The following SOD2 variants were observed in gnomAD, a reference collection of about 807,000 sequenced individuals.
SOD2 encodes the protein superoxide dismutase [Mn], mitochondrial.
SOD2 carries 11 observed loss-of-function variants against 27.0 expected under a neutral mutation model. The ratio of observed to expected loss-of-function variants is 0.41; its 90% CI spans 0.26 to 0.67. SOD2 has a LOEUF of 0.67. Ranked by LOEUF, SOD2 falls within the 30% of genes least tolerant of loss-of-function variation. The pLI is 0.34. For missense variants in SOD2, 250 were observed against 274.5 expected, an observed-to-expected ratio of 0.91 and a Z score of 0.63; for synonymous variants, 105 against 103.0, an observed-to-expected ratio of 1.02 and a Z score of -0.12.
intron 1 of SOD2, among the ~76,000 whole-genome samples, chr6:159,711,705 A>ATTG: frequency 9.3e-6 from 1 of 107,764 alleles, no homozygotes. Flanking sequence ...CACCACTCAC[A>ATTG]CTGCTCTGAT....
chr6:159,742,184 C>T, intron 1 of SOD2: 7 of 1,489,554 alleles, frequency 4.7e-6, no homozygotes, highest in Non-Finnish European at 6.4e-6. Flanking sequence ...ACTGAATAAT[C>T]TCCTTTTGAT....
chr6:159,684,248 T>C (rs1428640796), intron 4 of SOD2, among the ~76,000 whole-genome samples: 1 of 152,158 alleles, frequency 6.6e-6, no homozygotes, highest in Admixed American at 6.5e-5. Context: ...GTTCTATAGC[T>C]AATTTTTTTT....
At chr6:159,717,970 TTTTC>T (rs1282482803) in intron 1 of SOD2, among the ~76,000 whole-genome samples, 5 of 151,888 alleles carry the variant, frequency 3.3e-5, no homozygotes, top group Non-Finnish European at 7.4e-5. Context: ...CACAATTTTT[TTTTC>T]TTTTTCTTTC....
intron 1 of SOD2, chr6:159,726,987 C>T (rs1411104418): frequency 1.6e-6 from 2 of 1,278,780 alleles, no homozygotes; most frequent in Admixed American, 4.7e-5. Context: ...TCACGCGCCG[C>T]CTTCGCCCAG....
Position 159,674,373 on chromosome 6 carries a change from C to G in SOD2, c.*8120G>C, listed in dbSNP as rs1175915984. 1 of 152,224 alleles carries G rather than the reference C, an allele frequency of 6.6e-6. No individual in the cohort carries two copies. The highest frequency in any genetic ancestry group is 1.5e-5 in the Non-Finnish European group (1 of 68,050). 9.4% of individuals were successfully genotyped at this position (152,224 alleles called of 1,614,324 possible). A position where few individuals can be genotyped will look rare whatever the true frequency, so the allele number is the denominator to read the frequency against. ...TAAAATACTGGCAAACTGAATCCAG[C>G]AGCATATCAAAAAGCTTATCCACCA... On this transcript the variant is annotated 3_prime_UTR_variant, in exon 5 of 5. Coordinates refer to ENST00000538183, the MANE Select transcript of SOD2 (RefSeq NM_000636.4).
intron 1 of SOD2, among the ~76,000 whole-genome samples, chr6:159,744,818 T>C (rs771693966): frequency 6.6e-6 from 1 of 152,086 alleles, no homozygotes; most frequent in African/African-American, 2.4e-5. Flanking sequence ...AGTAACTGAT[T>C]TCAGGTGTGC....
At chr6:159,758,578 G>A (rs1780061748) in intron 1 of SOD2, among the ~76,000 whole-genome samples, 1 of 152,144 alleles carries the variant, frequency 6.6e-6, no homozygotes, top group Non-Finnish European at 1.5e-5. Context: ...CTACGTCACT[G>A]TCTTGGGAGT....
At chr6:159,709,279 C>T (rs1425761287) in intron 1 of SOD2, among the ~76,000 whole-genome samples, 1 of 151,896 alleles carries the variant, frequency 6.6e-6, no homozygotes, top group East Asian at 1.9e-4. Flanking sequence ...ATCTAATTAA[C>T]CTAAAGAGCT....
At chr6:159,693,941 G>A (rs906085225), upstream of SOD2, among the ~76,000 whole-genome samples, 1 of 152,226 alleles carries the variant, frequency 6.6e-6, no homozygotes, top group Non-Finnish European at 1.5e-5. Context: ...CCCACGACGT[G>A]CCCGAGACTG....
intron 1 of SOD2, among the ~76,000 whole-genome samples, chr6:159,742,848 G>A (rs1779344512): frequency 6.6e-6 from 1 of 151,624 alleles, no homozygotes; most frequent in Non-Finnish European, 1.5e-5. Flanking sequence ...TTGAGCCCAG[G>A]AGTTTGAGAC....
upstream of SOD2, chr6:159,748,869 A>T (rs961743291): frequency 2.5e-6 from 3 of 1,206,546 alleles, no homozygotes; most frequent in African/African-American, 1.6e-5. This position sits in a 1 kb window ranked among gnomAD's most constrained non-coding sequence, Gnocchi z 5.6. Context: ...ACTGTGTATC[A>T]GTTTTGCCAA....
chr6:159,702,947 G>C (rs1446927090), intron 1 of SOD2, among the ~76,000 whole-genome samples: 1 of 151,416 alleles, frequency 6.6e-6, no homozygotes, highest in African/African-American at 2.4e-5. Flanking sequence ...AATCCCAGGG[G>C]TTCGAGGCTG....
At chr6:159,693,041 T>C (rs1777307959) in intron 1 of SOD2, 104 bp downstream of exon 1, 2 of 1,470,984 alleles carry the variant, frequency 1.4e-6, no homozygotes, top group Non-Finnish European at 9.0e-7. Flanking sequence ...GGTGCCCCGG[T>C]CCCGCCAGGC....
chr6:159,715,446 T>A (rs1040196639), intron 1 of SOD2, among the ~76,000 whole-genome samples: 1 of 152,162 alleles, frequency 6.6e-6, no homozygotes, highest in Non-Finnish European at 1.5e-5. Flanking sequence ...GACTGTCTCC[T>A]GTCCTAGTGG....
intron 1 of SOD2, chr6:159,713,222 C>A: frequency 1.2e-6 from 1 of 830,354 alleles, no homozygotes; most frequent in Non-Finnish European, 2.0e-6. Context: ...TTTTCCAAAT[C>A]TATCAGACCT....
intron 1 of SOD2, among the ~76,000 whole-genome samples, chr6:159,705,465 G>A (rs1481015810): frequency 1.3e-5 from 2 of 152,088 alleles, no homozygotes; most frequent in African/African-American, 2.4e-5. Flanking sequence ...CAAGAACTAC[G>A]TGACGAATGC....
At chr6:159,759,388 C>A (rs1336129849) in intron 1 of SOD2, among the ~76,000 whole-genome samples, 1 of 144,076 alleles carries the variant, frequency 6.9e-6, no homozygotes, top group Admixed American at 6.9e-5. Flanking sequence ...TATCTTCCAG[C>A]TGGCCGGGCG....
chr6:159,717,907 G>T (rs1020147795), intron 1 of SOD2, among the ~76,000 whole-genome samples: 1 of 149,546 alleles, frequency 6.7e-6, no homozygotes, highest in African/African-American at 2.4e-5. Context: ...ATGTGTGTGT[G>T]TGTGTGTGTG....
chr6:159,731,997 G>C (rs979152036), upstream of SOD2, among the ~76,000 whole-genome samples: 5 of 152,074 alleles, frequency 3.3e-5, no homozygotes, highest in Non-Finnish European at 7.4e-5. Context: ...AGTAAACCTA[G>C]GGAAAGTATC....
Sources: gnomAD v4.1 joint callset for allele counts (sites outside exome capture counted in the v4.1 genomes callset) on GRCh38, gnomAD v4.1.1 for gene constraint, Gnocchi (gnomAD v3.1) non-coding constraint, MANE v1.5 for transcripts, NCBI Gene and HGNC (gene_info 2026-07-23, HGNC 2026-07-21) for gene names.